Variants in SPHKAP observed in about 807,000 individuals in gnomAD.
SPHKAP encodes the protein A-kinase anchor protein SPHKAP.
Under a neutral mutation model 137.5 loss-of-function variants are expected in SPHKAP, and 67 were observed. That is an observed-to-expected ratio of 0.49 (90% CI 0.40 to 0.60). The LOEUF (loss-of-function observed/expected upper bound fraction) is 0.60, where lower values mean the gene tolerates loss of function less well. Among genes scored for constraint, SPHKAP ranks in the 20% least tolerant of loss-of-function variants. SPHKAP has a pLI of 0.00. For missense variants in SPHKAP, 2,097 were observed against 2,069.3 expected, an observed-to-expected ratio of 1.01 and a Z score of -0.26; for synonymous variants, 813 against 785.3, an observed-to-expected ratio of 1.04 and a Z score of -0.59.
At chr2:228,046,291 C>CTTTTTTTTTTTTTTTTTTTTTT (rs58510792) in intron 3 of SPHKAP, among the ~76,000 whole-genome samples, 5 of 82,528 alleles carry the variant, frequency 6.1e-5, no homozygotes, top group Non-Finnish European at 8.8e-5. Context: ...TGTTGTTATT[C>CTTTTTTTTTTTTTTTTTTTTTT]TTTTTTTTTT....
At chr2:228,080,306 T>A (rs187700146) in intron 3 of SPHKAP, among the ~76,000 whole-genome samples, 6 of 152,262 alleles carry the variant, frequency 3.9e-5, no homozygotes, top group Non-Finnish European at 8.8e-5. Context: ...ATTTAAAAAT[T>A]GACAAATAAT....
intron 2 of SPHKAP, among the ~76,000 whole-genome samples, chr2:228,116,368 C>G (rs762846781): frequency 2.0e-4 from 30 of 152,060 alleles, no homozygotes; most frequent in Non-Finnish European, 4.0e-4. Flanking sequence ...CTGTTCAACG[C>G]AAGGCAAGTC....
chr2:228,089,739 A>G (rs1475345620), intron 3 of SPHKAP, among the ~76,000 whole-genome samples: 2 of 152,176 alleles, frequency 1.3e-5, no homozygotes, highest in African/African-American at 4.8e-5. Context: ...CACCAGCCAC[A>G]TCAAAGGGCC....
In SPHKAP at chr2:228,056,631, T is replaced by C. The variant is rs375586330; in HGVS notation, c.247-29088A>G. Among the ~76,000 whole-genome samples the C allele has an allele frequency of 7.3e-5, 11 of 151,522 alleles. No individual in the cohort carries two copies. In the East Asian group the frequency reaches 1.7e-3, roughly 24 times the overall value. On this transcript the variant is annotated intron_variant, in intron 3 of 11. Transcript: ENST00000392056. The stretch of plus-strand genomic sequence containing the variant: ...TTGTTCTCCAGGAAGTATGACATAA[T>C]GTATGAGCACGAGCCAGAGGAAATC...
Position 228,154,693 on chromosome 2 carries a change from C to T in SPHKAP, c.33-22608G>A, listed in dbSNP as rs1272257571. Among the ~76,000 whole-genome samples, 4 of 145,010 alleles carry T rather than the reference C, an allele frequency of 2.8e-5. No homozygotes were observed. The South Asian group carries it at 6.7e-4, about 24-fold the overall frequency. On this transcript the variant is annotated intron_variant, in intron 1 of 11. Transcript: ENST00000392056. Reference sequence around the variant, plus strand: ...CCTCCCGAGTAGCTGGGAGTACAGGCGCCTGCCACCATGCCTGGCTAATTT... The same window carrying T: ...CCTCCCGAGTAGCTGGGAGTACAGGTGCCTGCCACCATGCCTGGCTAATTT...
chr2:227,990,988 G>C lies in SPHKAP; in HGVS notation c.4959+12C>G. 3 of 1,611,948 alleles carry C rather than the reference G, an allele frequency of 1.9e-6. No individual in the cohort carries two copies. The highest frequency in any genetic ancestry group is 2.5e-6 in the Non-Finnish European group (3 of 1,178,448). ...CAAAGCTTTCTTGTTTTCCAAACCT[G>C]GTACATGATACCTTTTCAATTCTGT... On this transcript the variant is annotated intron_variant, in intron 11 of 11. Coordinates refer to ENST00000392056, the MANE Select transcript of SPHKAP (RefSeq NM_001142644.2).
At chr2:228,024,823 A>G (rs1419422376) in intron 5 of SPHKAP, among the ~76,000 whole-genome samples, 2 of 152,174 alleles carry the variant, frequency 1.3e-5, no homozygotes, top group African/African-American at 4.8e-5. Flanking sequence ...GATTTATATA[A>G]TAGGAATGAA....
chr2:228,001,840 A>G (rs1398494419), intron 7 of SPHKAP, among the ~76,000 whole-genome samples: 1 of 151,902 alleles, frequency 6.6e-6, no homozygotes, highest in Non-Finnish European at 1.5e-5. Flanking sequence ...TTTCCTTGCA[A>G]TAGTTTGCTG....
chr2:228,128,412 A>G (rs1428669396), intron 2 of SPHKAP, among the ~76,000 whole-genome samples: 1 of 152,160 alleles, frequency 6.6e-6, no homozygotes, highest in African/African-American at 2.4e-5. Flanking sequence ...TTCAGGCCCT[A>G]CTTCCAATTC....
At position 228,019,759 on chromosome 2, in the gene SPHKAP, G is replaced by C; in HGVS notation, c.1095C>G (p.Asn365Lys). ...TGTCTTCATGGTCTCCTGGGTTTAG[G>C]TTGCTTCTCTGCTCTGCCACAGCAC... is the stretch of plus-strand genomic sequence containing the variant. ...SACAVAEQRS[N>K]LNPGDHEDTR... The change falls in exon 7 of 12, where the codon AAC (asparagine) becomes AAG (lysine). Residue 365 changes from asparagine (N) to lysine (K), a missense_variant. Asn to Lys is a moderately conservative substitution (Grantham distance 94, BLOSUM62 0). Coordinates refer to ENST00000392056, the MANE Select transcript of SPHKAP (RefSeq NM_001142644.2). 6.2e-7 allele frequency: 1 copy of C among 1,614,170 alleles called. No individual in the cohort carries two copies. The highest frequency in any genetic ancestry group is 8.5e-7 in the Non-Finnish European group (1 of 1,180,026).
At chr2:228,126,702 G>A (rs1699085464) in intron 2 of SPHKAP, among the ~76,000 whole-genome samples, 2 of 152,112 alleles carry the variant, frequency 1.3e-5, no homozygotes, top group African/African-American at 4.8e-5. Flanking sequence ...TCTGGGGAAA[G>A]GCCATCTCTC....
intron 3 of SPHKAP, among the ~76,000 whole-genome samples, chr2:228,055,142 C>CAAAAAAAAAAAAAAAAA (rs58091970): frequency 9.8e-5 from 6 of 61,314 alleles, no homozygotes; most frequent in African/African-American, 2.8e-4. Context: ...AACTCCACTC[C>CAAAAAAAAAAAAAAAAA]AAAAAAAAAA....
rs9288633 is a variant in SPHKAP, at chr2:228,030,554, A to G, written c.247-3011T>C. Among the ~76,000 whole-genome samples, 128 of 140,200 alleles carry G rather than the reference A, an allele frequency of 9.1e-4. 2 individuals are homozygous for G. Among genetic ancestry groups the G allele is most frequent in the Middle Eastern group, 3.7e-3 (1 of 272 alleles). The allele number at this position is 140,200 out of a possible 152,430, so 92.0% of individuals were successfully genotyped here. A position where few individuals can be genotyped will look rare whatever the true frequency, so the allele number is the denominator to read the frequency against. ...AAAACAACAAAAAACAAAAAAAAAAAAATAAAAAAATTAAAATATTCTAAA... is the reference window on the plus strand; with the variant it reads ...AAAACAACAAAAAACAAAAAAAAAAGAATAAAAAAATTAAAATATTCTAAA... On this transcript the variant is annotated intron_variant, in intron 3 of 11. Transcript: ENST00000392056.
At chr2:228,166,579 A>C (rs1700428808) in intron 1 of SPHKAP, among the ~76,000 whole-genome samples, 1 of 152,200 alleles carries the variant, frequency 6.6e-6, no homozygotes, top group African/African-American at 2.4e-5. Context: ...TAAAACTTGT[A>C]TCATATCTTC....
chr2:228,005,316 C>A, intron 7 of SPHKAP, among the ~76,000 whole-genome samples: 1 of 151,598 alleles, frequency 6.6e-6, no homozygotes, highest in East Asian at 1.9e-4. Context: ...TAATGGCCTT[C>A]GTCTCTTTTG....
chr2:228,030,564 A>G (rs1559357084), intron 3 of SPHKAP, among the ~76,000 whole-genome samples: 1 of 150,866 alleles, frequency 6.6e-6, no homozygotes, highest in Non-Finnish European at 1.5e-5. Context: ...AAATAAAAAA[A>G]TTAAAATATT....
rs763003252 is a variant in SPHKAP at position 228,181,548 on chromosome 2, A to G, written c.32+19T>C. 5.1e-5 allele frequency: 82 copies of G among 1,614,076 alleles called. No individual in the cohort carries two copies. The highest frequency in any genetic ancestry group is 5.5e-5 in the South Asian group (5 of 91,090). ...GTTTGATCGACATGGTATTGGGCAT[A>G]GAAAGAAGCGGGTCTTACCTTGGTA... On this transcript the variant is annotated intron_variant, in intron 1 of 11. Coordinates refer to ENST00000392056, the MANE Select transcript of SPHKAP (RefSeq NM_001142644.2). This position sits in a 1 kb window ranked among gnomAD's most constrained non-coding sequence, Gnocchi z 4.3.
rs140154137 is a variant in SPHKAP, at chr2:228,085,584, T to C, written c.246+23248A>G. On this transcript the variant is annotated intron_variant, in intron 3 of 11. Transcript: ENST00000392056. The stretch of plus-strand genomic sequence containing the variant: ...AAGTAGCTTTTAGCTGACAATTGTA[T>C]TACAGGTCAACACATGTCATATTAA... Among the ~76,000 whole-genome samples, 922 of 152,348 alleles carry C rather than the reference T, an allele frequency of 6.1e-3. 15 individuals carry two copies. Among genetic ancestry groups the C allele is most frequent in the African/African-American group, 0.021 (865 of 41,574 alleles).
intron 1 of SPHKAP, among the ~76,000 whole-genome samples, chr2:228,160,380 G>T (rs374391551): frequency 6.6e-6 from 1 of 152,186 alleles, no homozygotes; most frequent in African/African-American, 2.4e-5. Flanking sequence ...CAGGAAAGAG[G>T]TTTAATTGAC....
Sources: allele counts gnomAD v4.1 joint callset (sites outside exome capture counted in the v4.1 genomes callset), GRCh38; gene constraint gnomAD v4.1.1; non-coding constraint Gnocchi (gnomAD v3.1); transcripts MANE v1.5; gene names NCBI Gene and HGNC (gene_info 2026-07-23, HGNC 2026-07-21).